PHACTR2: variants seen among roughly 807,000 people sequenced by gnomAD.
The protein encoded by PHACTR2 is chromosome 6 open reading frame 56.
A neutral mutation model predicts 76.0 loss-of-function variants in PHACTR2; 30 were observed. The ratio of observed to expected loss-of-function variants is 0.39; its 90% CI spans 0.30 to 0.54. PHACTR2 has a LOEUF of 0.54. Among genes scored for constraint, PHACTR2 ranks in the 20% least tolerant of loss-of-function variants. The pLI, the probability that PHACTR2 is intolerant of heterozygous loss-of-function variation, is 0.61. For missense variants in PHACTR2, 696 were observed against 781.1 expected, an observed-to-expected ratio of 0.89 and a Z score of 1.30; for synonymous variants, 292 against 292.5, an observed-to-expected ratio of 1.00 and a Z score of 0.02.
rs1477467622 is a variant in PHACTR2, at chr6:143,663,541, T to A, written c.14-48475T>A. Among the ~76,000 whole-genome samples, 1 of 152,208 alleles carries A rather than the reference T, an allele frequency of 6.6e-6. No individual in the cohort carries two copies. Among genetic ancestry groups the A allele is most frequent in the African/African-American group, 2.4e-5 (1 of 41,468 alleles). On this transcript the variant is annotated intron_variant, in intron 1 of 11. Coordinates refer to the PHACTR2 transcript ENST00000305766. The surrounding 1 kb of genome is among the most constrained non-coding windows in gnomAD (Gnocchi z 4.1). ...TATCTTTCCCTGAATAGATCTTTTC[T>A]TTGTTTTTTTAAATAAATGCGATTA...
At chr6:143,609,026 T>C (rs1775934301) in intron 1 of PHACTR2, among the ~76,000 whole-genome samples, 1 of 152,208 alleles carries the variant, frequency 6.6e-6, no homozygotes, top group Admixed American at 6.5e-5. Flanking sequence ...TCATGCCCCA[T>C]TTCAGTGTTG....
intron 1 of PHACTR2, among the ~76,000 whole-genome samples, chr6:143,640,114 C>A (rs1539333): frequency 0.18 from 26,726 of 152,214 alleles, 2,768 homozygotes; most frequent in South Asian, 0.27. Flanking sequence ...CAAGTTTGTG[C>A]TGATGCTGGT....
chr6:143,563,448 C>G (rs1037439777), intron 1 of PHACTR2, among the ~76,000 whole-genome samples: 2 of 149,964 alleles, frequency 1.3e-5, no homozygotes, highest in Non-Finnish European at 3.0e-5. Flanking sequence ...TCCAGGTACT[C>G]AGGAGGCTGA....
rs1775492884 is a variant in PHACTR2, at chr6:143,784,017, C to T, written c.1707+737C>T. Among the ~76,000 whole-genome samples the T allele has an allele frequency of 1.4e-5, 2 of 142,842 alleles. No homozygotes were observed. The highest frequency in any genetic ancestry group is 4.5e-4 in the South Asian group (2 of 4,434). The allele number at this position is 142,842 out of a possible 152,430, so 93.7% of individuals were successfully genotyped here. ...AAAAAAGAATTAATTGAAAATTAAT[C>T]TCGCTTGATTAGAACAATGAAAAAA... On this transcript the variant is annotated intron_variant, in intron 10 of 12. Coordinates refer to ENST00000440869, the MANE Select transcript of PHACTR2 (RefSeq NM_001100164.2). The surrounding 1 kb of genome is among the most constrained non-coding windows in gnomAD (Gnocchi z 4.5).
rs1584050863 is a variant in PHACTR2 at position 143,546,411 on chromosome 6, G to A, written c.217+9204G>A. Among the ~76,000 whole-genome samples the A allele has an allele frequency of 1.3e-5, 2 of 151,984 alleles. No homozygotes were observed. Among genetic ancestry groups the A allele is most frequent in the East Asian group, 3.9e-4 (2 of 5,174 alleles). ...TCTAGAACTTTGGACTGTGGCTAGG[G>A]CAAGAATGTCAGAGGTACAATGCTT... On this transcript the variant is annotated intron_variant, in intron 1 of 11. Transcript: ENST00000367584. This position sits in a 1 kb window ranked among gnomAD's most constrained non-coding sequence, Gnocchi z 4.9.
Position 143,588,012 on chromosome 6 carries a change from CTAAAA to C in PHACTR2, c.217+50843_217+50847del, listed in dbSNP as rs56155115. ...TGGCAACAAGAGTGAAACTCTGTCT[CTAAAA>C]TAAAATAAAATAAAATAAAATAAAA... On this transcript the variant is annotated intron_variant, in intron 1 of 11. Coordinates refer to the PHACTR2 transcript ENST00000367584. Among the ~76,000 whole-genome samples, 1,230 of 137,736 alleles carry C rather than the reference CTAAAA, an allele frequency of 8.9e-3. 12 individuals carry two copies. The highest frequency in any genetic ancestry group is 0.023 in the African/African-American group (861 of 37,330). The allele number at this position is 137,736 out of a possible 152,430, so 90.4% of individuals were successfully genotyped here. A position where few individuals can be genotyped will look rare whatever the true frequency, so the allele number is the denominator to read the frequency against.
At position 143,561,785 on chromosome 6, in the gene PHACTR2, A is replaced by G. The variant is rs956487587; in HGVS notation, c.217+24578A>G. ...GTACCAGAAGGCCAGTAAGTAAGGCAGTGAGCCAGGGAGAGCTGGGTTATT... is the reference window on the plus strand; with the variant it reads ...GTACCAGAAGGCCAGTAAGTAAGGCGGTGAGCCAGGGAGAGCTGGGTTATT... On this transcript the variant is annotated intron_variant, in intron 1 of 11. Coordinates refer to the PHACTR2 transcript ENST00000367584. This position sits in a 1 kb window ranked among gnomAD's most constrained non-coding sequence, Gnocchi z 4.1. The G allele has an allele frequency of 6.6e-6, 1 of 152,326 alleles. No homozygotes were observed. The highest frequency in any genetic ancestry group is 1.5e-5 in the Non-Finnish European group (1 of 68,100). 9.4% of individuals were successfully genotyped at this position (152,326 alleles called of 1,614,324 possible). A position where few individuals can be genotyped will look rare whatever the true frequency, so the allele number is the denominator to read the frequency against.
rs555806510 is a variant in PHACTR2, at chr6:143,655,374, A to G, written c.13+47052A>G. ...AGGGTTTCTTACTGGGTTGATGACA[A>G]TACCATAAAATTGATGGTAGTGATG... On this transcript the variant is annotated intron_variant, in intron 1 of 11. Transcript: ENST00000305766. Among the ~76,000 whole-genome samples the G allele has an allele frequency of 1.1e-4, 16 of 152,246 alleles. No homozygotes were observed. In the South Asian group the frequency reaches 3.3e-3, roughly 32 times the overall value.
Position 143,616,407 on chromosome 6 carries a change from G to A in PHACTR2, c.13+8085G>A, listed in dbSNP as rs373300075. 6.6e-6 allele frequency among the ~76,000 whole-genome samples: 1 copy of A among 152,104 alleles called. No homozygotes were observed. Among genetic ancestry groups the A allele is most frequent in the Non-Finnish European group, 1.5e-5 (1 of 68,014 alleles). ...TTTGACTTATTAACCTGTATCTTCT[G>A]TTATTTTCCATGTATCCTCTACATC... On this transcript the variant is annotated intron_variant, in intron 1 of 11. Transcript: ENST00000305766. This position sits in a 1 kb window ranked among gnomAD's most constrained non-coding sequence, Gnocchi z 4.9.
chr6:143,637,277 A>G (rs1776473743), intron 1 of PHACTR2, among the ~76,000 whole-genome samples: 1 of 151,868 alleles, frequency 6.6e-6, no homozygotes, highest in South Asian at 2.1e-4. Context: ...TAAGTTAACC[A>G]TTCTTTTGTT....
At position 143,795,971 on chromosome 6, in the gene PHACTR2, A is replaced by G. The variant is rs2128481171; in HGVS notation, c.1845+7061A>G. Among the ~76,000 whole-genome samples the G allele has an allele frequency of 1.3e-5, 2 of 152,344 alleles. No homozygotes were observed. Among genetic ancestry groups the G allele is most frequent in the Admixed American group, 1.3e-4 (2 of 15,298 alleles). On this transcript the variant is annotated intron_variant, in intron 11 of 12. Transcript: ENST00000440869. This position sits in a 1 kb window ranked among gnomAD's most constrained non-coding sequence, Gnocchi z 4.8. Reference sequence around the variant, plus strand: ...AAAATTATCCAGTGAAAGAGAGTGTAGAATTTTTTCAGATGAGATGTGCTT... The same window carrying G: ...AAAATTATCCAGTGAAAGAGAGTGTGGAATTTTTTCAGATGAGATGTGCTT...
chr6:143,546,404 G>T lies in PHACTR2; in HGVS notation c.217+9197G>T, dbSNP rs1584050861. ...ATCTCTCTCTAGAACTTTGGACTGT[G>T]GCTAGGGCAAGAATGTCAGAGGTAC... On this transcript the variant is annotated intron_variant, in intron 1 of 11. Coordinates refer to the PHACTR2 transcript ENST00000367584. This position sits in a 1 kb window ranked among gnomAD's most constrained non-coding sequence, Gnocchi z 4.9. 6.6e-6 allele frequency among the ~76,000 whole-genome samples: 1 copy of T among 151,954 alleles called. No homozygotes were observed. Among genetic ancestry groups the T allele is most frequent in the East Asian group, 1.9e-4 (1 of 5,176 alleles).
chr6:143,817,472 T>C (rs748558569), intron 12 of PHACTR2, among the ~76,000 whole-genome samples: 1 of 152,164 alleles, frequency 6.6e-6, no homozygotes, highest in African/African-American at 2.4e-5. Flanking sequence ...TGTGCCCTGC[T>C]CAGAGGGAGA....
chr6:143,787,161 T>C lies in PHACTR2; in HGVS notation c.1708-1612T>C, dbSNP rs1043062076. On this transcript the variant is annotated intron_variant, in intron 10 of 12. Coordinates refer to ENST00000440869, the MANE Select transcript of PHACTR2 (RefSeq NM_001100164.2). The surrounding 1 kb of genome is among the most constrained non-coding windows in gnomAD (Gnocchi z 4.6). ...TGCACCCACTTGCCTCCACCATACA[T>C]AGCTCCATGCCGTAGGTGCAGGTCA... is the stretch of plus-strand genomic sequence containing the variant. Among the ~76,000 whole-genome samples the C allele has an allele frequency of 2.6e-5, 4 of 152,172 alleles. No homozygotes were observed. Among genetic ancestry groups the C allele is most frequent in the Non-Finnish European group, 5.9e-5 (4 of 68,024 alleles).
chr6:143,649,146 C>T (rs1356682012), intron 1 of PHACTR2, among the ~76,000 whole-genome samples: 1 of 151,986 alleles, frequency 6.6e-6, no homozygotes. Flanking sequence ...AACCAAAGCC[C>T]ACGGCTTTTC....
Position 143,765,807 on chromosome 6 carries a change from G to T in PHACTR2, c.1232+9G>T. ...AGAGAAAATGCAAAATGGTGAGTTG[G>T]GGAACAAACCCCCTATTTTATCTGA... On this transcript the variant is annotated intron_variant, in intron 6 of 12. Coordinates refer to ENST00000440869, the MANE Select transcript of PHACTR2 (RefSeq NM_001100164.2). This position sits in a 1 kb window ranked among gnomAD's most constrained non-coding sequence, Gnocchi z 4.1. 1 of 1,597,604 alleles carries T rather than the reference G, an allele frequency of 6.3e-7. No individual in the cohort carries two copies. Among genetic ancestry groups the T allele is most frequent in the Non-Finnish European group, 8.6e-7 (1 of 1,167,432 alleles).
At chr6:143,704,598 T>C (rs1381534563) in intron 1 of PHACTR2, among the ~76,000 whole-genome samples, 1 of 152,218 alleles carries the variant, frequency 6.6e-6, no homozygotes, top group Non-Finnish European at 1.5e-5. Flanking sequence ...AGAGAGATCT[T>C]ATATCAGCAT....
rs1463132790 is a variant in PHACTR2, at chr6:143,597,027, T to C, written c.217+59820T>C. Among the ~76,000 whole-genome samples, 1 of 152,178 alleles carries C rather than the reference T, an allele frequency of 6.6e-6. No homozygotes were observed. The highest frequency in any genetic ancestry group is 1.5e-5 in the Non-Finnish European group (1 of 68,042). ...CCCTCCTGCCTCCTTCCCTCCTGCG[T>C]TTCTGCTCCCAGTATGCACATCAAG... On this transcript the variant is annotated intron_variant, in intron 1 of 11. Coordinates refer to the PHACTR2 transcript ENST00000367584. This position sits in a 1 kb window ranked among gnomAD's most constrained non-coding sequence, Gnocchi z 5.7.
intron 12 of PHACTR2, among the ~76,000 whole-genome samples, chr6:143,812,399 G>A (rs189034044): frequency 7.7e-4 from 118 of 152,306 alleles, no homozygotes; most frequent in African/African-American, 2.5e-3. Flanking sequence ...CGTCGTGGTG[G>A]CTTTTCTTGA....
Sources: allele counts gnomAD v4.1 joint callset (sites outside exome capture counted in the v4.1 genomes callset), GRCh38; gene constraint gnomAD v4.1.1; non-coding constraint Gnocchi (gnomAD v3.1); transcripts MANE v1.5; gene names NCBI Gene and HGNC (gene_info 2026-07-23, HGNC 2026-07-21).